The following FAM13C variants were observed in gnomAD, a reference collection of about 807,000 sequenced individuals.
FAM13C encodes protein FAM13C.
FAM13C carries 37 observed loss-of-function variants against 73.2 expected under a neutral mutation model. That is an observed-to-expected ratio of 0.51 (90% CI 0.39 to 0.67). The LOEUF (loss-of-function observed/expected upper bound fraction) is 0.67. Among genes scored for constraint, FAM13C ranks in the 30% least tolerant of loss-of-function variants. The probability of loss-of-function intolerance (pLI) is 0.00; values close to 1 mark genes in which losing one functional copy is unlikely to be tolerated. For synonymous variants in FAM13C, 246 were observed against 260.9 expected, an observed-to-expected ratio of 0.94 and a Z score of 0.55; for missense variants, 589 against 715.6, an observed-to-expected ratio of 0.82 and a Z score of 2.02.
chr10:59,313,679 T>G (rs1177039570), intron 4 of FAM13C, among the ~76,000 whole-genome samples: 1 of 152,202 alleles, frequency 6.6e-6, no homozygotes, highest in South Asian at 2.1e-4. Flanking sequence ...GAAGCTAAGG[T>G]CTAGCTTAAA....
At chr10:59,320,437 G>A (rs535943957) in intron 4 of FAM13C, among the ~76,000 whole-genome samples, 22 of 152,312 alleles carry the variant, frequency 1.4e-4, no homozygotes, top group African/African-American at 5.3e-4. Flanking sequence ...GGCTTTAACT[G>A]TATCTGAGGT....
chr10:59,267,474 A>G (rs1843190770), intron 8 of FAM13C, among the ~76,000 whole-genome samples: 1 of 152,162 alleles, frequency 6.6e-6, no homozygotes, highest in Admixed American at 6.5e-5. Flanking sequence ...AAAAGACAAT[A>G]AATAGCTGTG....
At chr10:59,292,613 A>G (rs749442425) in intron 5 of FAM13C, among the ~76,000 whole-genome samples, 2 of 152,270 alleles carry the variant, frequency 1.3e-5, no homozygotes, top group African/African-American at 2.4e-5. Context: ...ATCACATGCC[A>G]TATGAAATAA....
Position 59,283,457 on chromosome 10 carries a change from T to C in FAM13C, c.508-10A>G. 6.2e-7 allele frequency: 1 copy of C among 1,614,068 alleles called. No individual in the cohort carries two copies. The highest frequency in any genetic ancestry group is 8.5e-7 in the Non-Finnish European group (1 of 1,179,938). On this transcript the variant is annotated splice_polypyrimidine_tract_variant and intron_variant, in intron 5 of 13. Transcript: ENST00000618804. ...CCTGAGCAGCTTCTTCCTGGTTTGT[T>C]AAAAATGCAGAGCACAGATCAGATT...
intron 4 of FAM13C, among the ~76,000 whole-genome samples, chr10:59,308,886 G>T (rs116292515): frequency 4.6e-5 from 7 of 152,230 alleles, no homozygotes; most frequent in African/African-American, 1.4e-4. Context: ...TGGCCTCCTC[G>T]CAGGAGGTGT....
chr10:59,252,761 A>T (rs1841517951), intron 12 of FAM13C, 38 bp downstream of exon 12: 2 of 1,592,420 alleles, frequency 1.3e-6, no homozygotes, highest in African/African-American at 2.7e-5. Flanking sequence ...GACCAGAAGG[A>T]GTTAAGAGGA....
rs539792529 is a variant in FAM13C, at chr10:59,284,422, C to T, written c.508-975G>A. On this transcript the variant is annotated intron_variant, in intron 5 of 13. Transcript: ENST00000618804. ...TCCCAGCTCCAGCAGGGGTGGGCACCGGGAGCAGAGCCACTGGTCCTTTCC... is the reference window on the plus strand; with the variant it reads ...TCCCAGCTCCAGCAGGGGTGGGCACTGGGAGCAGAGCCACTGGTCCTTTCC... 1.4e-3 allele frequency among the ~76,000 whole-genome samples: 215 copies of T among 151,972 alleles called. 2 individuals carry two copies. The highest frequency in any genetic ancestry group is 5.0e-3 in the African/African-American group (207 of 41,422).
intron 5 of FAM13C, among the ~76,000 whole-genome samples, chr10:59,286,048 G>A (rs1485140960): frequency 1.3e-5 from 2 of 152,348 alleles, no homozygotes; most frequent in Admixed American, 6.5e-5. Flanking sequence ...TAAACCAAAC[G>A]TGGTTATGCA....
chr10:59,268,605 T>C lies in FAM13C; in HGVS notation c.890A>G (p.Lys297Arg), dbSNP rs773976861. Residue 297 changes from lysine to arginine, a missense_variant, in exon 8 of 14, where the codon AAG becomes AGG. By Grantham distance (26) the Lys-to-Arg change is conservative. Transcript: ENST00000618804. The part of the protein sequence containing the change: ...TQLTKHIQSL[K>R]RKIRKFEEKF... ...TTCTTCAAATTTCCGAATTTTCCGC[T>C]TGAGGCTCTGGATGTGCTTGGTGAG... The C allele has an allele frequency of 1.9e-6, 3 of 1,613,832 alleles. No homozygotes were observed.
Position 59,324,013 on chromosome 10 carries a change from G to A in FAM13C, c.418C>T (p.Gln140Ter). ...ESPQNNAFKC[Q>*]ETVRLQPRID... ...CTTGGTTGAAGTCGCACTGTTTCTT[G>A]GCACTTGAAGGCATTGTTTTGTGGA... is the stretch of plus-strand genomic sequence containing the variant. Residue 140 changes from glutamine to a stop codon, truncating the protein, a stop_gained, in exon 4 of 14, where the codon CAA becomes TAA. Coordinates refer to ENST00000618804, the MANE Select transcript of FAM13C (RefSeq NM_198215.4). LOFTEE classifies it high-confidence loss of function. 6.2e-7 allele frequency: 1 copy of A among 1,614,034 alleles called. No individual in the cohort carries two copies. Among genetic ancestry groups the A allele is most frequent in the Non-Finnish European group, 8.5e-7 (1 of 1,179,926 alleles).
At chr10:59,343,635 AGCT>A (rs1365391197) in intron 3 of FAM13C, among the ~76,000 whole-genome samples, 1 of 152,126 alleles carries the variant, frequency 6.6e-6, no homozygotes, top group Non-Finnish European at 1.5e-5. Flanking sequence ...TCAGGCCTGG[AGCT>A]TGTAATAGTT....
intron 5 of FAM13C, among the ~76,000 whole-genome samples, chr10:59,287,437 G>T (rs916099552): frequency 4.2e-5 from 6 of 142,628 alleles, no homozygotes; most frequent in African/African-American, 1.6e-4. Flanking sequence ...AAAGTAAAAA[G>T]AAAGGCTAGC....
intron 5 of FAM13C, chr10:59,296,984 T>C (rs1846992907): frequency 6.6e-6 from 1 of 152,148 alleles, no homozygotes; most frequent in Admixed American, 6.5e-5. Flanking sequence ...CAAAATGGAG[T>C]CTTCAGAATA....
At chr10:59,255,169 A>G (rs555379836) in intron 10 of FAM13C, among the ~76,000 whole-genome samples, 1 of 152,326 alleles carries the variant, frequency 6.6e-6, no homozygotes, top group Non-Finnish European at 1.5e-5. Flanking sequence ...TGCTTGTATT[A>G]TATACTAGGT....
Position 59,254,347 on chromosome 10 carries a change from C to G in FAM13C, c.1332+1G>C, listed in dbSNP as rs202129522. ...AACAGCATGCAAGTATCCTGACTTA[C>G]AATTGTTGGAATAAGGGAAGGTGTT... On this transcript the variant is annotated splice_donor_variant, in intron 11 of 13. Transcript: ENST00000618804. LOFTEE classifies it high-confidence loss of function. The G allele has an allele frequency of 6.5e-7, 1 of 1,541,260 alleles. No homozygotes were observed. Among genetic ancestry groups the G allele is most frequent in the Non-Finnish European group, 8.8e-7 (1 of 1,139,100 alleles).
chr10:59,262,707 G>A (rs1842635611), intron 9 of FAM13C, 62 bp from the exon 10 acceptor site: 2 of 1,416,382 alleles, frequency 1.4e-6, no homozygotes, highest in Non-Finnish European at 2.0e-6. Context: ...AGAATGGAGA[G>A]ACTTTCAGGA....
At chr10:59,318,192 T>C (rs1035699031) in intron 4 of FAM13C, among the ~76,000 whole-genome samples, 1 of 149,800 alleles carries the variant, frequency 6.7e-6, no homozygotes, top group Admixed American at 6.6e-5. Context: ...AGAGAATGTT[T>C]CTAAGTTTCC....
At chr10:59,248,390 T>C (rs932405890) in intron 13 of FAM13C, among the ~76,000 whole-genome samples, 1 of 152,184 alleles carries the variant, frequency 6.6e-6, no homozygotes, top group Admixed American at 6.5e-5. Flanking sequence ...TAACAATGCA[T>C]AGATTTTTAT....
intron 3 of FAM13C, among the ~76,000 whole-genome samples, chr10:59,337,899 C>T (rs756905215): frequency 2.6e-5 from 4 of 151,800 alleles, no homozygotes; most frequent in Non-Finnish European, 4.4e-5. Flanking sequence ...CGCCTGGTCT[C>T]GAATTCCTGA....
Sources: allele counts gnomAD v4.1 joint callset (sites outside exome capture counted in the v4.1 genomes callset), GRCh38; gene constraint gnomAD v4.1.1; transcripts MANE v1.5; gene names NCBI Gene and HGNC (gene_info 2026-07-23, HGNC 2026-07-21).